COL22A1: variants seen among roughly 807,000 people sequenced by gnomAD.
COL22A1 encodes the protein collagen type XXII alpha 1 chain.
COL22A1 carries 221 observed loss-of-function variants against 248.9 expected under a neutral mutation model. The observed-to-expected ratio is 0.89, with a 90% CI of 0.80 to 0.99. The LOEUF is 0.99. Among genes scored for constraint, COL22A1 ranks in the 50% least tolerant of loss-of-function variants. The pLI is 0.00. For synonymous variants in COL22A1, 891 were observed against 793.4 expected, an observed-to-expected ratio of 1.12 and a Z score of -2.07; for missense variants, 2,240 against 2,179.0, an observed-to-expected ratio of 1.03 and a Z score of -0.56.
rs1825811245 is a variant in COL22A1 at position 138,679,631 on chromosome 8, C to T, written c.3058G>A (p.Gly1020Arg). 3.7e-6 allele frequency: 6 copies of T among 1,613,886 alleles called. No homozygotes were observed. The highest frequency in any genetic ancestry group is 1.3e-5 in the African/African-American group (1 of 74,904). ...VRGSENCALGGQCVKGDRGAP... is the reference protein window; with the variant it reads ...VRGSENCALGRQCVKGDRGAP... The stretch of plus-strand genomic sequence containing the variant: ...TCTTCACTGACCTTAACACATTGCC[C>T]TCCCAGTGCACAGTTTTCTGACCCT... The change falls in exon 40 of 65, where the codon GGG becomes AGG. Residue 1020 changes from glycine (G) to arginine (R), a missense_variant. Coordinates refer to ENST00000303045, the MANE Select transcript of COL22A1 (RefSeq NM_152888.3).
At chr8:138,848,359 C>T (rs745859302) in intron 3 of COL22A1, among the ~76,000 whole-genome samples, 11 of 152,254 alleles carry the variant, frequency 7.2e-5, no homozygotes, top group Admixed American at 1.3e-4. Flanking sequence ...TCCTTCTCAC[C>T]GGAAGCCTAT....
intron 48 of COL22A1, among the ~76,000 whole-genome samples, chr8:138,636,302 G>A (rs910954724): frequency 1.3e-5 from 2 of 151,716 alleles, no homozygotes; most frequent in Non-Finnish European, 2.9e-5. Flanking sequence ...GCCTGGATGG[G>A]CACTGATCTG....
rs529124372 is a variant in COL22A1 at position 138,679,207 on chromosome 8, A to T, written c.3072+410T>A. ...TGCAGAGGTAGAAGATAGAAAGTGA[A>T]CTAAACACATATAAATGTCAGATAA... On this transcript the variant is annotated intron_variant, in intron 40 of 64. Coordinates refer to ENST00000303045, the MANE Select transcript of COL22A1 (RefSeq NM_152888.3). 5.9e-5 allele frequency among the ~76,000 whole-genome samples: 9 copies of T among 152,352 alleles called. No homozygotes were observed. The South Asian group carries it at 1.7e-3, about 28-fold the overall frequency.
intron 1 of COL22A1, among the ~76,000 whole-genome samples, chr8:138,899,881 A>G (rs553265522): frequency 6.6e-6 from 1 of 152,214 alleles, no homozygotes; most frequent in Non-Finnish European, 1.5e-5. Flanking sequence ...TACCATTGGC[A>G]CAAAGTTGTT....
At chr8:138,638,020 A>T (rs1434793203) in intron 47 of COL22A1, among the ~76,000 whole-genome samples, 1 of 152,018 alleles carries the variant, frequency 6.6e-6, no homozygotes, top group Non-Finnish European at 1.5e-5. Flanking sequence ...CACCATGACT[A>T]TTGTCATCAC....
At chr8:138,591,186 A>G (rs1817003444) in intron 64 of COL22A1, among the ~76,000 whole-genome samples, 1 of 152,134 alleles carries the variant, frequency 6.6e-6, no homozygotes, top group African/African-American at 2.4e-5. Flanking sequence ...GAAATTTTAA[A>G]CTCGCGGGAT....
chr8:138,826,444 C>T (rs1219568493), intron 6 of COL22A1, among the ~76,000 whole-genome samples: 3 of 152,158 alleles, frequency 2.0e-5, no homozygotes, highest in Non-Finnish European at 4.4e-5. Context: ...CATCAGAAGG[C>T]CTGGTACTAC....
At chr8:138,790,429 CT>C (rs1046340296) in intron 12 of COL22A1, among the ~76,000 whole-genome samples, 2 of 152,156 alleles carry the variant, frequency 1.3e-5, no homozygotes, top group Non-Finnish European at 2.9e-5. Flanking sequence ...CATGGTTCCC[CT>C]GATATGCAGA....
chr8:138,647,753 A>T (rs1292044033), intron 46 of COL22A1, among the ~76,000 whole-genome samples: 1 of 152,210 alleles, frequency 6.6e-6, no homozygotes, highest in Non-Finnish European at 1.5e-5. Context: ...GGTTCTGAAC[A>T]TCAGAATCAC....
intron 4 of COL22A1, among the ~76,000 whole-genome samples, chr8:138,842,455 T>C (rs914711668): frequency 6.6e-6 from 1 of 152,164 alleles, no homozygotes; most frequent in African/African-American, 2.4e-5. Flanking sequence ...AAGGTAAGAA[T>C]TTGCTTTGAA....
chr8:138,887,983 G>T (rs1824790691), intron 1 of COL22A1, among the ~76,000 whole-genome samples: 1 of 152,082 alleles, frequency 6.6e-6, no homozygotes, highest in Admixed American at 6.6e-5. Context: ...GTTCCATGAG[G>T]CTTATTAGCT....
At position 138,600,536 on chromosome 8, in the gene COL22A1, G is replaced by C. The variant is rs1439481905; in HGVS notation, c.4185+1579C>G. Among the ~76,000 whole-genome samples, 6 of 152,270 alleles carry C rather than the reference G, an allele frequency of 3.9e-5. No individual in the cohort carries two copies. In the East Asian group the frequency reaches 9.7e-4, roughly 24 times the overall value. ...TATAACACACACCACACACAATTCT[G>C]TGTGCACAGACTCCCTCTGAAAAGA... On this transcript the variant is annotated intron_variant, in intron 60 of 64. Transcript: ENST00000303045.
chr8:138,906,286 C>T (rs955882429), intron 1 of COL22A1, among the ~76,000 whole-genome samples: 5 of 151,502 alleles, frequency 3.3e-5, no homozygotes, highest in East Asian at 2.0e-4. Flanking sequence ...AGGAGAATGG[C>T]GTGAACCCGG....
intron 18 of COL22A1, among the ~76,000 whole-genome samples, chr8:138,756,843 C>T (rs778726704): frequency 3.9e-5 from 6 of 152,122 alleles, no homozygotes; most frequent in Non-Finnish European, 5.9e-5. Context: ...CTGCCCGAGA[C>T]CTGGAAAAAT....
chr8:138,783,317 G>T (rs1367525511), intron 12 of COL22A1, among the ~76,000 whole-genome samples: 2 of 152,040 alleles, frequency 1.3e-5, no homozygotes, highest in Admixed American at 6.6e-5. Flanking sequence ...CAAAGGGGGA[G>T]TTTATTAACT....
rs2131753890 is a variant in COL22A1, at chr8:138,589,199, C to A, written c.*54G>T. 6.4e-7 allele frequency: 1 copy of A among 1,564,166 alleles called. No homozygotes were observed. The highest frequency in any genetic ancestry group is 2.3e-5 in the East Asian group (1 of 43,596). ...TCAAGACCTCTGGCTTCCCACTGGG[C>A]TCTGAGTTCAAGTTTCAGAAATCCA... On this transcript the variant is annotated 3_prime_UTR_variant, in exon 65 of 65. Coordinates refer to ENST00000303045, the MANE Select transcript of COL22A1 (RefSeq NM_152888.3).
chr8:138,602,154 G>A lies in COL22A1; in HGVS notation c.4146C>T (p.Val1382=), dbSNP rs980514669. 1.4e-5 allele frequency: 22 copies of A among 1,613,884 alleles called. No homozygotes were observed. Among genetic ancestry groups the A allele is most frequent in the African/African-American group, 9.3e-5 (7 of 74,882 alleles). ...ATCCAGGCTCTCCAGGCTTCCCAGG[G>A]ACCCCCTGCAAGGAGAAAGAAAGGA... ...GEKGVPGKEG[V]PGKPGEPGFK... The change falls in exon 60 of 65, where the codon GTC becomes GTT. Residue 1382 remains valine (V), a synonymous_variant. Transcript: ENST00000303045.
chr8:138,787,318 A>G (rs1428134048), intron 12 of COL22A1, among the ~76,000 whole-genome samples: 2 of 152,186 alleles, frequency 1.3e-5, no homozygotes, highest in African/African-American at 4.8e-5. Flanking sequence ...AGAGAGAGAA[A>G]GAGAAGGGAA....
At chr8:138,684,613 A>T in intron 38 of COL22A1, 144 bp from the exon 39 acceptor site, 1 of 680,724 alleles carries the variant, frequency 1.5e-6, no homozygotes, top group Non-Finnish European at 2.6e-6. Flanking sequence ...CAAAAGAAAC[A>T]GAATCTGGTT....
Sources: allele counts gnomAD v4.1 joint callset (sites outside exome capture counted in the v4.1 genomes callset), GRCh38; gene constraint gnomAD v4.1.1; transcripts MANE v1.5; gene names NCBI Gene and HGNC (gene_info 2026-07-23, HGNC 2026-07-21).